Variants in MEGF10 observed in about 807,000 individuals in gnomAD.
The protein encoded by MEGF10 is multiple EGF like domains 10.
MEGF10 carries 86 observed loss-of-function variants against 147.5 expected under a neutral mutation model. The observed-to-expected ratio is 0.58, with a 90% CI of 0.49 to 0.70. The LOEUF is 0.70. Ranked by LOEUF, MEGF10 falls within the 30% of genes least tolerant of loss-of-function variation. The pLI, the probability that MEGF10 is intolerant of heterozygous loss-of-function variation, is 0.00. For missense variants in MEGF10, 1,329 were observed against 1,487.3 expected (o/e 0.89, Z 1.75); for synonymous variants, 478 against 525.5 (o/e 0.91, Z 1.24).
At chr5:127,393,822 C>CT (rs1003342778) in intron 5 of MEGF10, among the ~76,000 whole-genome samples, 252 of 134,914 alleles carry the variant, frequency 1.9e-3, no homozygotes, top group African/African-American at 5.5e-3. Flanking sequence ...TTTTTTTTTT[C>CT]TTTTTTTTTT....
At chr5:127,393,367 C>G (rs371361769) in intron 5 of MEGF10, among the ~76,000 whole-genome samples, 8 of 152,204 alleles carry the variant, frequency 5.3e-5, no homozygotes, top group African/African-American at 1.9e-4. Flanking sequence ...TTGTAGTTAT[C>G]AGGGATGAGA....
chr5:127,421,555 A>G (rs747942420), intron 12 of MEGF10, among the ~76,000 whole-genome samples: 1 of 152,150 alleles, frequency 6.6e-6, no homozygotes, highest in Non-Finnish European at 1.5e-5. Context: ...CAAAACAATC[A>G]TGTCTATGAG....
chr5:127,237,805 C>T, the MEGF10 span, among the ~76,000 whole-genome samples: 2 of 152,028 alleles, frequency 1.3e-5, no homozygotes, highest in African/African-American at 2.4e-5. Flanking sequence ...CCTCTTTGCC[C>T]TTCCCTTGCT....
At chr5:127,355,100 A>G (rs1762234532) in intron 4 of MEGF10, among the ~76,000 whole-genome samples, 1 of 152,154 alleles carries the variant, frequency 6.6e-6, no homozygotes, top group Non-Finnish European at 1.5e-5. Context: ...TGCAGGGAAG[A>G]TGCCTTGTTT....
chr5:127,433,348 TG>T lies in MEGF10; in HGVS notation c.1694-14del. 6.2e-7 allele frequency: 1 copy of T among 1,614,194 alleles called. No homozygotes were observed. Among genetic ancestry groups the T allele is most frequent in the South Asian group, 1.1e-5 (1 of 91,084 alleles). ...CTGCCTCTCACTCAGCCTTGCCCCATGTGCATTATTTCAGGTGTCCACTGTG... is the reference window on the plus strand; with the variant it reads ...CTGCCTCTCACTCAGCCTTGCCCCATTGCATTATTTCAGGTGTCCACTGTG... On this transcript the variant is annotated splice_polypyrimidine_tract_variant and intron_variant, in intron 13 of 24. Transcript: ENST00000503335.
chr5:127,259,403 G>A, the MEGF10 span, among the ~76,000 whole-genome samples: 191 of 152,286 alleles, frequency 1.3e-3, no homozygotes, highest in Non-Finnish European at 1.9e-3. Context: ...CAAGGTCTGA[G>A]GGATGATGGG....
At chr5:127,413,677 C>G (rs978261752) in intron 9 of MEGF10, among the ~76,000 whole-genome samples, 4 of 152,206 alleles carry the variant, frequency 2.6e-5, no homozygotes, top group Admixed American at 2.6e-4. Context: ...ACCCTTCAAC[C>G]TCCAAACTGC....
At chr5:127,391,102 G>GCACACACACACACACA (rs70997334) in intron 5 of MEGF10, among the ~76,000 whole-genome samples, 1 of 53,892 alleles carries the variant, frequency 1.9e-5, no homozygotes, top group African/African-American at 5.1e-5. Flanking sequence ...GCGCGCGCGC[G>GCACACACACACACACA]CACACACACA....
In MEGF10 at chr5:127,434,745, C is replaced by T; in HGVS notation, c.1899C>T (p.His633=). 6.2e-7 allele frequency: 1 copy of T among 1,614,078 alleles called. No homozygotes were observed. The highest frequency in any genetic ancestry group is 8.5e-7 in the Non-Finnish European group (1 of 1,180,038). ...RCSQTCPQCV[H]SSGPCHHITG... Reference sequence around the variant, plus strand: ...GCCAGACATGCCCACAGTGCGTTCACAGCAGCGGGCCCTGCCACCACATCA... The same window carrying T: ...GCCAGACATGCCCACAGTGCGTTCATAGCAGCGGGCCCTGCCACCACATCA... The change falls in exon 15 of 25, where the codon CAC becomes CAT. Residue 633 remains histidine, a synonymous_variant. Coordinates refer to ENST00000503335, the MANE Select transcript of MEGF10 (RefSeq NM_001256545.2).
At chr5:127,456,164 A>G (rs972075837) in intron 24 of MEGF10, among the ~76,000 whole-genome samples, 3 of 152,222 alleles carry the variant, frequency 2.0e-5, no homozygotes, top group African/African-American at 7.2e-5. Flanking sequence ...GCCGAAACAA[A>G]TGGTTCAAGT....
chr5:127,311,946 T>A (rs1388066681), intron 1 of MEGF10, among the ~76,000 whole-genome samples: 3 of 152,216 alleles, frequency 2.0e-5, no homozygotes, highest in Non-Finnish European at 2.9e-5. Context: ...AGCCAGCTTC[T>A]CAGTGTTGCG....
intron 10 of MEGF10, among the ~76,000 whole-genome samples, chr5:127,418,868 G>C (rs1764876267): frequency 6.6e-6 from 1 of 152,140 alleles, no homozygotes; most frequent in African/African-American, 2.4e-5. Flanking sequence ...TGCTATGAAG[G>C]CAAAGCTAAT....
the MEGF10 span, among the ~76,000 whole-genome samples, chr5:127,265,831 G>A: frequency 6.6e-6 from 1 of 152,170 alleles, no homozygotes; most frequent in African/African-American, 2.4e-5. Context: ...CCCTTTCTCA[G>A]ATGAGTAGAT....
Position 127,420,040 on chromosome 5 carries a change from A to G in MEGF10, c.1427-4A>G, listed in dbSNP as rs1219635371. 3 of 1,613,700 alleles carry G rather than the reference A, an allele frequency of 1.9e-6. No individual in the cohort carries two copies. Among genetic ancestry groups the G allele is most frequent in the Non-Finnish European group, 2.5e-6 (3 of 1,179,826 alleles). On this transcript the variant is annotated splice_polypyrimidine_tract_variant and splice_region_variant and intron_variant, in intron 11 of 24. Coordinates refer to ENST00000503335, the MANE Select transcript of MEGF10 (RefSeq NM_001256545.2). ...TCACGTGCTCTGGCGTTCTTGTCGC[A>G]CAGGCTGGCACGGGGTGGACTGCTC...
chr5:127,422,872 C>A (rs1765071398), intron 13 of MEGF10, 100 bp downstream of exon 13: 2 of 859,750 alleles, frequency 2.3e-6, no homozygotes, highest in South Asian at 1.6e-5. Flanking sequence ...GTCAACTTTT[C>A]AAAAAAAATG....
rs1352201693 is a variant in MEGF10, at chr5:127,410,402, T to C, written c.931T>C (p.Cys311Arg). Residue 311 changes from cysteine (C) to arginine (R), a missense_variant, in exon 9 of 25, where the codon TGT becomes CGT. This residue lies in a region of MEGF10 where 980 missense variants were observed against 1,085.9 expected (regional missense o/e 0.90). Coordinates refer to ENST00000503335, the MANE Select transcript of MEGF10 (RefSeq NM_001256545.2). The part of the protein sequence containing the change: ...GYTGERCQDE[C>R]PVGTYGVLCA... ...CTTGCTTGGTAGGTGCCAGGATGAGTGTCCTGTTGGGACCTATGGCGTTCT... is the reference window on the plus strand; with the variant it reads ...CTTGCTTGGTAGGTGCCAGGATGAGCGTCCTGTTGGGACCTATGGCGTTCT... 2 of 1,614,228 alleles carry C rather than the reference T, an allele frequency of 1.2e-6. No individual in the cohort carries two copies. Among genetic ancestry groups the C allele is most frequent in the Non-Finnish European group, 1.7e-6 (2 of 1,180,036 alleles).
rs781250458 is a variant in MEGF10 at position 127,454,605 on chromosome 5, T to C, written c.3020T>C (p.Leu1007Ser). ...GACAGAAGCTATATGGGAAAATCCT[T>C]AAAAGGTATCATGTAAATTTGAAGA... ...GLDRSYMGKS[L>S]KDLGKNSEYN... is the part of the protein sequence containing the mutation. Residue 1007 changes from leucine to serine, a missense_variant, in exon 23 of 25, where the codon TTA (leucine) becomes TCA (serine). Transcript: ENST00000503335. 3 of 1,607,494 alleles carry C rather than the reference T, an allele frequency of 1.9e-6. No homozygotes were observed. The East Asian group carries it at 6.7e-5, about 36-fold the overall frequency.
In MEGF10 at chr5:127,290,891, T is replaced by G. The variant is rs1759221917; in HGVS notation, c.-184T>G. 6.6e-6 allele frequency: 1 copy of G among 152,242 alleles called. No homozygotes were observed. The highest frequency in any genetic ancestry group is 2.4e-5 in the African/African-American group (1 of 41,442). The allele number at this position is 152,242 out of a possible 1,614,324, so 9.4% of individuals were successfully genotyped here. A position where few individuals can be genotyped will look rare whatever the true frequency, so the allele number is the denominator to read the frequency against. On this transcript the variant is annotated 5_prime_UTR_variant, in exon 1 of 25. Transcript: ENST00000503335. ...GCGTTGAGACGTTCCTCTTTCCCGC[T>G]TCTCCACCTTTACGCCTGAAAGAAG...
chr5:127,377,803 C>G (rs933751437), intron 5 of MEGF10, among the ~76,000 whole-genome samples: 1 of 152,100 alleles, frequency 6.6e-6, no homozygotes, highest in African/African-American at 2.4e-5. Flanking sequence ...CGCTGGGAGC[C>G]CAGTCCTCGC....
Sources: allele counts gnomAD v4.1 joint callset (sites outside exome capture counted in the v4.1 genomes callset), GRCh38; gene constraint gnomAD v4.1.1; regional missense constraint gnomAD v4.1.1; transcripts MANE v1.5; gene names NCBI Gene and HGNC (gene_info 2026-07-23, HGNC 2026-07-21).